KLHL3: variants seen among roughly 807,000 people sequenced by gnomAD.
KLHL3 encodes the protein kelch like family member 3.
Under a neutral mutation model 70.5 loss-of-function variants are expected in KLHL3, and 19 were observed. The observed-to-expected ratio is 0.27, with a 90% CI of 0.19 to 0.40. The LOEUF is 0.40. KLHL3 is among the 10% of genes least tolerant of loss of function. The pLI is 1.00. For synonymous variants in KLHL3, 258 were observed against 290.3 expected (o/e 0.89, Z 1.13); for missense variants, 512 against 771.1 (o/e 0.66, Z 3.98).
At chr5:137,649,908 G>T (rs1751157568) in intron 8 of KLHL3, among the ~76,000 whole-genome samples, 1 of 152,154 alleles carries the variant, frequency 6.6e-6, no homozygotes, top group African/African-American at 2.4e-5. Context: ...TGCCACTTAA[G>T]CGCTGTAAAA....
intron 5 of KLHL3, among the ~76,000 whole-genome samples, chr5:137,681,254 C>A (rs1020613257): frequency 7.9e-5 from 12 of 152,244 alleles, no homozygotes; most frequent in African/African-American, 2.9e-4. Flanking sequence ...GAGTCCATTG[C>A]AGGTGCTAGA....
At chr5:137,628,240 C>T in intron 13 of KLHL3, 57 bp downstream of exon 13, 2 of 1,599,934 alleles carry the variant, frequency 1.3e-6, no homozygotes, top group South Asian at 1.1e-5. Flanking sequence ...GAGCCAGTGT[C>T]TTCAGGGAGA....
chr5:137,710,226 T>C (rs944452162), intron 2 of KLHL3, among the ~76,000 whole-genome samples: 7 of 152,142 alleles, frequency 4.6e-5, no homozygotes, highest in Non-Finnish European at 1.0e-4. Flanking sequence ...AGTGACTGAA[T>C]GAATGCTGAG....
At position 137,735,960 on chromosome 5, in the gene KLHL3, G is replaced by A. The variant is rs1278461008; in HGVS notation, c.-314C>T. The A allele has an allele frequency of 5.0e-5, 23 of 464,500 alleles. No individual in the cohort carries two copies. Among genetic ancestry groups the A allele is most frequent in the South Asian group, 3.4e-4 (15 of 44,686 alleles). 28.8% of individuals were successfully genotyped at this position (464,500 alleles called of 1,614,324 possible). A position where few individuals can be genotyped will look rare whatever the true frequency, so the allele number is the denominator to read the frequency against. On this transcript the variant is annotated 5_prime_UTR_variant, in exon 1 of 15. Transcript: ENST00000309755. ...TGCTGCTCCTTGGTCTCCTAGGAAC[G>A]GCGGCAGCTCCAGCGACCCAGGTGC...
chr5:137,678,219 G>A (rs1385087631), intron 5 of KLHL3, among the ~76,000 whole-genome samples: 1 of 152,144 alleles, frequency 6.6e-6, no homozygotes, highest in African/African-American at 2.4e-5. Flanking sequence ...ATTCATCCAG[G>A]TATAGTGGCA....
chr5:137,674,396 T>G (rs939868243), intron 6 of KLHL3, among the ~76,000 whole-genome samples: 27 of 152,170 alleles, frequency 1.8e-4, no homozygotes, highest in Non-Finnish European at 4.0e-4. Flanking sequence ...AGTAGGGAAG[T>G]CAAAATTCAA....
At chr5:137,689,092 G>A (rs1752255899) in intron 5 of KLHL3, among the ~76,000 whole-genome samples, 1 of 152,196 alleles carries the variant, frequency 6.6e-6, no homozygotes, top group African/African-American at 2.4e-5. Context: ...TAAAGGTGGG[G>A]ATTCACATTA....
At chr5:137,682,276 A>T (rs868409366) in intron 5 of KLHL3, among the ~76,000 whole-genome samples, 1 of 152,054 alleles carries the variant, frequency 6.6e-6, no homozygotes, top group African/African-American at 2.4e-5. Context: ...CTGCCCAATT[A>T]TAATAACAAA....
Position 137,639,008 on chromosome 5 carries a change from G to A in KLHL3, c.1164C>T (p.Gly388=), listed in dbSNP as rs553082707. The A allele has an allele frequency of 5.1e-5, 83 of 1,614,122 alleles. No homozygotes were observed. In the South Asian group the frequency reaches 5.2e-4, roughly 10 times the overall value. Residue 388 remains glycine, a synonymous_variant, in exon 10 of 15, where the codon GGC becomes GGT. Transcript: ENST00000309755. This position sits in a 1 kb window ranked among gnomAD's most constrained non-coding sequence, Gnocchi z 5.0. ...AGAGCAAGTCATTGAGCACCGCTGC[G>A]CCCAGTGTGCTCCGGCGCTCCTGCA... ...ASMQERRSTL[G]AAVLNDLLYA...
chr5:137,657,265 C>A (rs560631885), intron 8 of KLHL3, among the ~76,000 whole-genome samples: 7 of 152,156 alleles, frequency 4.6e-5, no homozygotes, highest in Non-Finnish European at 1.5e-5. Flanking sequence ...TAAATAATTT[C>A]CTGGTGCTGC....
intron 6 of KLHL3, among the ~76,000 whole-genome samples, chr5:137,669,306 T>G (rs1186914878): frequency 6.6e-6 from 1 of 152,092 alleles, no homozygotes; most frequent in East Asian, 1.9e-4. Flanking sequence ...CAAAGGCAGG[T>G]ATCTTGTTTT....
intron 5 of KLHL3, among the ~76,000 whole-genome samples, chr5:137,681,954 C>T (rs1752036581): frequency 6.6e-6 from 1 of 151,958 alleles, no homozygotes. Flanking sequence ...AGTCTTTTCC[C>T]CATCAAGCAA....
intron 7 of KLHL3, among the ~76,000 whole-genome samples, chr5:137,659,505 G>A (rs973911573): frequency 6.6e-6 from 1 of 152,176 alleles, no homozygotes; most frequent in African/African-American, 2.4e-5. Flanking sequence ...GTTTTCCTTG[G>A]AAGGTTTTTT....
intron 8 of KLHL3, among the ~76,000 whole-genome samples, chr5:137,643,148 C>G (rs1304409549): frequency 1.3e-5 from 2 of 151,924 alleles, no homozygotes; most frequent in Non-Finnish European, 2.9e-5. Flanking sequence ...TCCAGGAGCT[C>G]AAGACCAGCC....
intron 6 of KLHL3, among the ~76,000 whole-genome samples, chr5:137,663,335 G>C (rs993450387): frequency 6.6e-6 from 1 of 151,786 alleles, no homozygotes; most frequent in Non-Finnish European, 1.5e-5. Flanking sequence ...GGGATTACAA[G>C]CGTGAGCCAC....
chr5:137,656,731 A>G (rs1751353868), intron 8 of KLHL3, among the ~76,000 whole-genome samples: 1 of 152,248 alleles, frequency 6.6e-6, no homozygotes, highest in Admixed American at 6.5e-5. Flanking sequence ...TCTAACCTGC[A>G]CTAGGCAACG....
rs935928248 is a variant in KLHL3, at chr5:137,622,027, C to A, written c.*71G>T. The A allele has an allele frequency of 3.3e-6, 5 of 1,535,980 alleles. No homozygotes were observed. In the African/African-American group the frequency reaches 6.8e-5, roughly 21 times the overall value. ...TCCCAAGCAAGTTGAATCCAGTCAC[C>A]AAGGTCCTGCTGTTCAGAGTCACAG... On this transcript the variant is annotated 3_prime_UTR_variant, in exon 15 of 15. Coordinates refer to ENST00000309755, the MANE Select transcript of KLHL3 (RefSeq NM_017415.3).
chr5:137,647,296 G>T (rs1751073140), intron 8 of KLHL3, among the ~76,000 whole-genome samples: 1 of 152,186 alleles, frequency 6.6e-6, no homozygotes. Flanking sequence ...TTGAAGGCAT[G>T]TTGGTCCCTC....
chr5:137,706,491 C>A (rs755294619), intron 3 of KLHL3: 2 of 483,380 alleles, frequency 4.1e-6, no homozygotes, highest in Non-Finnish European at 5.4e-6. Flanking sequence ...TAGATCAATG[C>A]GGCACATGTC....
Sources: gnomAD v4.1 joint callset for allele counts (sites outside exome capture counted in the v4.1 genomes callset) on GRCh38, gnomAD v4.1.1 for gene constraint, Gnocchi (gnomAD v3.1) non-coding constraint, MANE v1.5 for transcripts, NCBI Gene and HGNC (gene_info 2026-07-23, HGNC 2026-07-21) for gene names.